The following SOX6 variants were observed in gnomAD, a reference collection of about 807,000 sequenced individuals.
SOX6 encodes the protein transcription factor SOX-6.
SOX6 carries 11 observed loss-of-function variants against 97.8 expected under a neutral mutation model. That is an observed-to-expected ratio of 0.11 (90% CI 0.07 to 0.19). SOX6 has a LOEUF of 0.19. Among genes scored for constraint, SOX6 ranks in the 10% least tolerant of loss-of-function variants. SOX6 has a pLI of 1.00. For missense variants in SOX6, 810 were observed against 1,039.5 expected (o/e 0.78, Z 3.04); for synonymous variants, 360 against 371.4 (o/e 0.97, Z 0.35).
intron 15 of SOX6, among the ~76,000 whole-genome samples, chr11:15,984,792 T>C (rs1281717382): frequency 6.6e-6 from 1 of 152,184 alleles, no homozygotes; most frequent in Non-Finnish European, 1.5e-5. Flanking sequence ...ACTGATCATC[T>C]GGTGTGATAT....
intron 4 of SOX6, among the ~76,000 whole-genome samples, chr11:16,195,867 C>A (rs10766301): frequency 5.2e-4 from 79 of 152,070 alleles, no homozygotes; most frequent in Middle Eastern, 3.4e-3. Flanking sequence ...CCTGCTGCCC[C>A]GGGTGCAGTG....
rs1390945573 is a variant in SOX6, at chr11:16,605,311, G to A, written n.609+6770C>T. Among the ~76,000 whole-genome samples the A allele has an allele frequency of 2.0e-5, 3 of 152,140 alleles. No homozygotes were observed. The highest frequency in any genetic ancestry group is 7.2e-5 in the African/African-American group (3 of 41,448). On this transcript the variant is annotated intron_variant and non_coding_transcript_variant, in intron 4 of 5. Coordinates refer to the SOX6 transcript ENST00000524520. The surrounding 1 kb of genome is among the most constrained non-coding windows in gnomAD (Gnocchi z 5.3). ...CCTGGCGAAGTCCGCGCCCGGCGGG[G>A]CTGAACTACCCCTCGCCCCCGCTCC... is the stretch of plus-strand genomic sequence containing the variant.
At chr11:16,498,095 C>T (rs1422643037) in intron 4 of SOX6, among the ~76,000 whole-genome samples, 1 of 152,178 alleles carries the variant, frequency 6.6e-6, no homozygotes, top group East Asian at 1.9e-4. Context: ...CAAAGGGAAG[C>T]CCATCAGACT....
chr11:16,113,818 G>A (rs988025233), intron 6 of SOX6, among the ~76,000 whole-genome samples: 6 of 152,108 alleles, frequency 3.9e-5, no homozygotes, highest in African/African-American at 1.4e-4. Flanking sequence ...AGCTGAAGAT[G>A]TTTGAATATT....
intron 9 of SOX6, among the ~76,000 whole-genome samples, chr11:16,075,626 G>A (rs943816057): frequency 1.3e-5 from 2 of 152,050 alleles, no homozygotes; most frequent in Non-Finnish European, 2.9e-5. Context: ...TGGACACAGT[G>A]AGGGGAATAT....
At chr11:16,410,509 C>T (rs966583149) in intron 1 of SOX6, among the ~76,000 whole-genome samples, 1 of 152,098 alleles carries the variant, frequency 6.6e-6, no homozygotes, top group African/African-American at 2.4e-5. Flanking sequence ...ATAACACCAG[C>T]ACTTTGGGAG....
At chr11:16,729,338 G>A (rs1848331446) in intron 2 of SOX6, among the ~76,000 whole-genome samples, 1 of 152,142 alleles carries the variant, frequency 6.6e-6, no homozygotes, top group South Asian at 2.1e-4. Context: ...AGAAAGGCTG[G>A]GTTACCCACA....
intron 2 of SOX6, among the ~76,000 whole-genome samples, chr11:16,730,703 A>G (rs1320222584): frequency 6.6e-6 from 1 of 152,190 alleles, no homozygotes; most frequent in Admixed American, 6.5e-5. Flanking sequence ...AGCAAAAGCA[A>G]GCAAACTCAA....
intron 9 of SOX6, among the ~76,000 whole-genome samples, chr11:16,077,340 T>C (rs1267483941): frequency 6.6e-6 from 1 of 152,096 alleles, no homozygotes; most frequent in Non-Finnish European, 1.5e-5. Context: ...CAGATACTGG[T>C]GTGGTTATAT....
chr11:16,216,601 T>A (rs1457352206), intron 4 of SOX6, among the ~76,000 whole-genome samples: 1 of 132,318 alleles, frequency 7.6e-6, no homozygotes, highest in Non-Finnish European at 1.6e-5. Flanking sequence ...AGCAAATTCT[T>A]CTTTTCAGAC....
intron 1 of SOX6, among the ~76,000 whole-genome samples, chr11:16,737,289 C>G (rs1346155092): frequency 6.6e-6 from 1 of 152,144 alleles, no homozygotes; most frequent in Non-Finnish European, 1.5e-5. Context: ...TCGCTGAAAC[C>G]TCCGCCTCCC....
Position 16,111,937 on chromosome 11 carries a change from G to C in SOX6, c.778-14C>G. The stretch of plus-strand genomic sequence containing the variant: ...GTGACCCTGAACCTGCTAAACAGAA[G>C]AGAGCCTATGATCAGACAGGGAGCA... On this transcript the variant is annotated splice_polypyrimidine_tract_variant and intron_variant, in intron 6 of 15. Coordinates refer to ENST00000683767, the MANE Select transcript of SOX6 (RefSeq NM_001367873.1). 1 of 1,611,900 alleles carries C rather than the reference G, an allele frequency of 6.2e-7. No individual in the cohort carries two copies. The highest frequency in any genetic ancestry group is 2.2e-5 in the East Asian group (1 of 44,844).
At chr11:16,023,297 C>T (rs1590137576) in intron 12 of SOX6, 1 of 152,112 alleles carries the variant, frequency 6.6e-6, no homozygotes, top group East Asian at 1.9e-4. Flanking sequence ...CCTCAAGGTA[C>T]AGTATCCATG....
chr11:16,003,352 T>C (rs1034778007), intron 13 of SOX6, among the ~76,000 whole-genome samples: 23 of 152,072 alleles, frequency 1.5e-4, no homozygotes, highest in Non-Finnish European at 5.9e-5. Context: ...TATTGAAGAC[T>C]CGTCTCAGGT....
intron 6 of SOX6, among the ~76,000 whole-genome samples, chr11:16,149,309 T>G (rs1412516954): frequency 6.6e-6 from 1 of 152,130 alleles, no homozygotes; most frequent in East Asian, 1.9e-4. Context: ...GACGGCCTAC[T>G]GTAGGCTCTA....
intron 4 of SOX6, among the ~76,000 whole-genome samples, chr11:16,197,964 G>T (rs766340240): frequency 1.4e-4 from 22 of 152,262 alleles, no homozygotes; most frequent in Non-Finnish European, 2.4e-4. Context: ...CAAATAGGAT[G>T]TCCTATTCTC....
chr11:16,389,994 A>G (rs1017442324), intron 1 of SOX6, among the ~76,000 whole-genome samples: 25 of 149,490 alleles, frequency 1.7e-4, no homozygotes, highest in African/African-American at 5.9e-4. Flanking sequence ...AAAAAAAAAA[A>G]AAGAAGCTTA....
rs2134381159 is a variant in SOX6, at chr11:16,363,857, G to A, written c.-4-22605C>T. On this transcript the variant is annotated intron_variant, in intron 1 of 15. Transcript: ENST00000396356. ...GGCTCTAGCCTCTCACTTTTCAGATGAGGGAACTAACCAGATAAGCATGGA... is the reference window on the plus strand; with the variant it reads ...GGCTCTAGCCTCTCACTTTTCAGATAAGGGAACTAACCAGATAAGCATGGA... Among the ~76,000 whole-genome samples the A allele has an allele frequency of 2.0e-5, 3 of 151,812 alleles. No homozygotes were observed. In the Middle Eastern group the frequency reaches 0.01, roughly 523 times the overall value.
chr11:16,727,596 A>AT (rs200734807), intron 2 of SOX6, among the ~76,000 whole-genome samples: 26,400 of 145,644 alleles, frequency 0.18, 2,697 homozygotes, highest in East Asian at 0.32. Flanking sequence ...CACCCAGCAA[A>AT]TTTTTTTTTT....
Sources: allele counts gnomAD v4.1 joint callset (sites outside exome capture counted in the v4.1 genomes callset), GRCh38; gene constraint gnomAD v4.1.1; non-coding constraint Gnocchi (gnomAD v3.1); transcripts MANE v1.5; gene names NCBI Gene and HGNC (gene_info 2026-07-23, HGNC 2026-07-21).